The following TRMT1L variants were observed in gnomAD, a reference collection of about 807,000 sequenced individuals.
TRMT1L encodes tRNA (guanine(27)-N(2))-dimethyltransferase.
Under a neutral mutation model 81.6 loss-of-function variants are expected in TRMT1L, and 28 were observed. The ratio of observed to expected loss-of-function variants is 0.34; its 90% CI spans 0.25 to 0.47. TRMT1L has a LOEUF of 0.47. Among genes scored for constraint, TRMT1L ranks in the 20% least tolerant of loss-of-function variants. The pLI is 1.00. For missense variants in TRMT1L, 739 were observed against 877.1 expected, an observed-to-expected ratio of 0.84 and a Z score of 1.99; for synonymous variants, 301 against 303.2, an observed-to-expected ratio of 0.99 and a Z score of 0.07.
At chr1:185,121,157 A>G (rs951150872) in intron 13 of TRMT1L, among the ~76,000 whole-genome samples, 2 of 152,222 alleles carry the variant, frequency 1.3e-5, no homozygotes, top group African/African-American at 4.8e-5. Flanking sequence ...GTATCCTTCC[A>G]AAAATCACAA....
At chr1:185,143,881 T>C in intron 6 of TRMT1L, 25 bp downstream of exon 6, 1 of 1,590,442 alleles carries the variant, frequency 6.3e-7, no homozygotes, top group Non-Finnish European at 8.6e-7. Flanking sequence ...AAACATCCCA[T>C]AACCCTATTT....
intron 9 of TRMT1L, 102 bp from the exon 10 acceptor site, chr1:185,137,898 T>C: frequency 1.8e-6 from 2 of 1,130,242 alleles, no homozygotes; most frequent in Non-Finnish European, 2.5e-6. Flanking sequence ...GGATAAGTTA[T>C]GGGACATCAA....
At chr1:185,152,914 T>C (rs1203023117) in intron 1 of TRMT1L, among the ~76,000 whole-genome samples, 1 of 152,152 alleles carries the variant, frequency 6.6e-6, no homozygotes, top group Non-Finnish European at 1.5e-5. Flanking sequence ...CAATTTGTTT[T>C]TGGAGCTCAG....
At chr1:185,156,967 A>G (rs1410796827), upstream of TRMT1L, 1 of 532,950 alleles carries the variant, frequency 1.9e-6, no homozygotes, top group Admixed American at 3.7e-5. Context: ...GCCACCACAA[A>G]CTGCGCAGAA....
intron 5 of TRMT1L, among the ~76,000 whole-genome samples, chr1:185,144,720 G>A (rs1049643432): frequency 1.4e-5 from 2 of 142,262 alleles, no homozygotes; most frequent in African/African-American, 2.7e-5. Context: ...CATTACAGTC[G>A]GAATGTTAAC....
At chr1:185,129,742 A>ATT (rs1652723563) in intron 10 of TRMT1L, among the ~76,000 whole-genome samples, 1 of 152,062 alleles carries the variant, frequency 6.6e-6, no homozygotes, top group South Asian at 2.1e-4. Flanking sequence ...ATGAGATCTT[A>ATT]TTTTACATTT....
In TRMT1L at chr1:185,120,513, C is replaced by A. The variant is rs536072341; in HGVS notation, c.1823-4G>T. ...ATTTCATTACTTTTTCTCTTTCCTG[C>A]AACATACACATACAAAGTTAGCATG... On this transcript the variant is annotated splice_region_variant and splice_polypyrimidine_tract_variant and intron_variant, in intron 13 of 14. Transcript: ENST00000367506. 7.5e-5 allele frequency: 117 copies of A among 1,565,002 alleles called. 2 individuals are homozygous for A. The highest frequency in any genetic ancestry group is 6.0e-4 in the South Asian group (49 of 81,038).
At position 185,119,300 on chromosome 1, in the gene TRMT1L, T is replaced by C. The variant is rs1652437952; in HGVS notation, c.*719A>G. The C allele has an allele frequency of 6.6e-6, 1 of 152,106 alleles. No homozygotes were observed. Among genetic ancestry groups the C allele is most frequent in the African/African-American group, 2.4e-5 (1 of 41,434 alleles). 9.4% of individuals were successfully genotyped at this position (152,106 alleles called of 1,614,324 possible). On this transcript the variant is annotated 3_prime_UTR_variant, in exon 15 of 15. Transcript: ENST00000367506. ...AACCTTTTTAATTTATAACCAAATC[T>C]CTCCTCTTCAGGATTTCAGTGCTCA...
At chr1:185,133,194 A>G (rs1652816500) in intron 10 of TRMT1L, among the ~76,000 whole-genome samples, 1 of 152,232 alleles carries the variant, frequency 6.6e-6, no homozygotes, top group African/African-American at 2.4e-5. Flanking sequence ...AGAGTTGCAT[A>G]AGAAAGGAAA....
At chr1:185,136,286 A>G (rs990571047) in intron 10 of TRMT1L, among the ~76,000 whole-genome samples, 6 of 151,994 alleles carry the variant, frequency 3.9e-5, no homozygotes, top group Non-Finnish European at 7.4e-5. Context: ...GTGTGTGCCT[A>G]TAGTCCCAGG....
chr1:185,131,116 C>G (rs1446404780), intron 10 of TRMT1L, among the ~76,000 whole-genome samples: 1 of 152,062 alleles, frequency 6.6e-6, no homozygotes, highest in Non-Finnish European at 1.5e-5. Flanking sequence ...TCTCCTGCCT[C>G]AGCCTCCCGA....
chr1:185,128,635 A>G, intron 11 of TRMT1L, 34 bp downstream of exon 11: 1 of 1,587,504 alleles, frequency 6.3e-7, no homozygotes, highest in Non-Finnish European at 8.6e-7. Context: ...TCAATACATC[A>G]AATTTTAATA....
chr1:185,122,649 CA>C (rs1181015053), intron 13 of TRMT1L, among the ~76,000 whole-genome samples: 6 of 150,776 alleles, frequency 4.0e-5, no homozygotes, highest in Non-Finnish European at 7.4e-5. Context: ...GTTTATATAA[CA>C]ACGCCTGCAT....
intron 13 of TRMT1L, 57 bp downstream of exon 13, chr1:185,123,800 G>C: frequency 9.7e-7 from 1 of 1,036,176 alleles, no homozygotes; most frequent in Non-Finnish European, 1.4e-6. Flanking sequence ...CTACCCTTTT[G>C]CTATATGCCT....
intron 4 of TRMT1L, 42 bp from the exon 5 acceptor site, chr1:185,145,610 A>G: frequency 6.3e-7 from 1 of 1,593,008 alleles, no homozygotes; most frequent in Non-Finnish European, 8.6e-7. Flanking sequence ...TGCTAAGACA[A>G]TGAAACAGAA....
chr1:185,148,244 C>G (rs1305630982), intron 3 of TRMT1L, among the ~76,000 whole-genome samples: 1 of 152,070 alleles, frequency 6.6e-6, no homozygotes, highest in Non-Finnish European at 1.5e-5. Flanking sequence ...ATTCATATAA[C>G]CTATGGGCTA....
intron 2 of TRMT1L, among the ~76,000 whole-genome samples, chr1:185,150,735 C>T (rs767277920): frequency 1.4e-4 from 22 of 152,164 alleles, no homozygotes; most frequent in Admixed American, 1.0e-3. Context: ...TTTGTCGTTA[C>T]TGGGAACAAA....
intron 1 of TRMT1L, among the ~76,000 whole-genome samples, chr1:185,156,036 A>G (rs1653532933): frequency 6.6e-6 from 1 of 152,210 alleles, no homozygotes; most frequent in East Asian, 1.9e-4. Flanking sequence ...GCTAGTTGAC[A>G]GTAATGGTTT....
chr1:185,120,621 T>G, intron 13 of TRMT1L, 112 bp from the exon 14 acceptor site: 1 of 930,496 alleles, frequency 1.1e-6, no homozygotes, highest in Non-Finnish European at 1.4e-6. Context: ...TCAACCTGAC[T>G]ATCCAATCTT....
Sources: gnomAD v4.1 joint callset for allele counts (sites outside exome capture counted in the v4.1 genomes callset) on GRCh38, gnomAD v4.1.1 for gene constraint, MANE v1.5 for transcripts, NCBI Gene and HGNC (gene_info 2026-07-23, HGNC 2026-07-21) for gene names.